The following RGS3 variants were observed in gnomAD, a reference collection of about 807,000 sequenced individuals.
The protein encoded by RGS3 is regulator of G-protein signalling 3.
Under a neutral mutation model 132.6 loss-of-function variants are expected in RGS3, and 80 were observed. The observed-to-expected ratio is 0.60, with a 90% CI of 0.50 to 0.73. RGS3 has a LOEUF of 0.73. RGS3 is among the 30% of genes least tolerant of loss of function. RGS3 has a pLI of 0.00. For synonymous variants in RGS3, 598 were observed against 620.6 expected (o/e 0.96, Z 0.54); for missense variants, 1,382 against 1,530.8 (o/e 0.90, Z 1.62).
At chr9:113,581,111 C>CA in intron 19 of RGS3, 4 of 476,154 alleles carry the variant, frequency 8.4e-6, no homozygotes, top group Non-Finnish European at 8.2e-6. Flanking sequence ...TTTGTTTCTC[C>CA]TGATGGAGAA....
chr9:113,478,232 C>G (rs967798732), intron 3 of RGS3, among the ~76,000 whole-genome samples: 1 of 152,092 alleles, frequency 6.6e-6, no homozygotes, highest in Non-Finnish European at 1.5e-5. Context: ...CCCTTCCTCC[C>G]TGCTCTTTCT....
intron 4 of RGS3, among the ~76,000 whole-genome samples, chr9:113,482,439 C>G (rs2119221149): frequency 6.6e-6 from 1 of 152,312 alleles, no homozygotes; most frequent in East Asian, 1.9e-4. Context: ...AGCGGTGCAG[C>G]TGGGATTCAT....
Position 113,527,103 on chromosome 9 carries a change from A to C in RGS3, c.1871-2118A>C, listed in dbSNP as rs1832245639. On this transcript the variant is annotated intron_variant, in intron 17 of 24. Transcript: ENST00000350696. ...TGTGACGTGGAACAGATTTCAGAGAAAGTTTGCAGTAATGCAGGGAGGTTG... is the reference window on the plus strand; with the variant it reads ...TGTGACGTGGAACAGATTTCAGAGACAGTTTGCAGTAATGCAGGGAGGTTG... 2.0e-5 allele frequency among the ~76,000 whole-genome samples: 3 copies of C among 152,356 alleles called. No homozygotes were observed. The South Asian group carries it at 6.2e-4, about 32-fold the overall frequency.
intron 17 of RGS3, among the ~76,000 whole-genome samples, chr9:113,526,207 G>T (rs1292999594): frequency 6.6e-6 from 1 of 152,222 alleles, no homozygotes; most frequent in Non-Finnish European, 1.5e-5. Context: ...TGATTATTAG[G>T]CTCTCCAGTC....
intron 19 of RGS3, among the ~76,000 whole-genome samples, chr9:113,547,626 A>G (rs565177654): frequency 2.0e-5 from 3 of 152,254 alleles, no homozygotes; most frequent in African/African-American, 7.2e-5. Context: ...CACCAACCTA[A>G]TATGTATGCA....
At chr9:113,460,039 CAAAAAA>C (rs879005762), upstream of RGS3, among the ~76,000 whole-genome samples, 1 of 112,142 alleles carries the variant, frequency 8.9e-6, no homozygotes, top group African/African-American at 3.4e-5. Flanking sequence ...GAAACTCTCT[CAAAAAA>C]AAAAAAAAAA....
At chr9:113,520,300 C>G (rs371714066) in intron 16 of RGS3, among the ~76,000 whole-genome samples, 1 of 152,236 alleles carries the variant, frequency 6.6e-6, no homozygotes, top group Non-Finnish European at 1.5e-5. Context: ...ATGCCCTCCC[C>G]GGCACGCTTG....
chr9:113,595,744 C>G, exon 24 of RGS3: 1 of 1,614,044 alleles, frequency 6.2e-7, no homozygotes, highest in Non-Finnish European at 8.5e-7. Flanking sequence ...CTGAATACAT[C>G]GCGATCCAGG....
chr9:113,513,028 C>G (rs1309175444), intron 14 of RGS3, among the ~76,000 whole-genome samples: 1 of 151,988 alleles, frequency 6.6e-6, no homozygotes, highest in African/African-American at 2.4e-5. Context: ...GAAACTGTGT[C>G]TCTACTAAAA....
At chr9:113,559,064 C>G (rs375800752) in intron 19 of RGS3, among the ~76,000 whole-genome samples, 74 of 152,328 alleles carry the variant, frequency 4.9e-4, no homozygotes, top group African/African-American at 1.7e-3. Flanking sequence ...CCCCACTGAC[C>G]CTTTGTTTTG....
chr9:113,581,312 A>G (rs991450957), intron 19 of RGS3: 1 of 152,202 alleles, frequency 6.6e-6, no homozygotes, highest in Non-Finnish European at 1.5e-5. Context: ...CTTCCTGTCT[A>G]CCCAATGGAG....
At chr9:113,571,069 G>C (rs994671674) in intron 19 of RGS3, among the ~76,000 whole-genome samples, 1 of 152,180 alleles carries the variant, frequency 6.6e-6, no homozygotes, top group African/African-American at 2.4e-5. Context: ...CAATAATATT[G>C]TATCAAGCTT....
chr9:113,447,329 G>GTATATATGTGTATATATATATA lies in RGS3; in HGVS notation c.-13+2409_-13+2410insGTGTATATATATATATATATAT, dbSNP rs1305095004. 1.8e-4 allele frequency among the ~76,000 whole-genome samples: 5 copies of GTATATATGTGTATATATATATA among 27,536 alleles called. 1 individual carries two copies. Among genetic ancestry groups the GTATATATGTGTATATATATATA allele is most frequent in the African/African-American group, 3.9e-4 (4 of 10,180 alleles). 18.1% of individuals were successfully genotyped at this position (27,536 alleles called of 152,430 possible). ...CCAATAAATTCTGATGTATGTATAT[G>GTATATATGTGTATATATATATA]TATATATATATATATATATATATAT... is the stretch of plus-strand genomic sequence containing the variant. On this transcript the variant is annotated intron_variant, in intron 1 of 25. Transcript: ENST00000374140.
intron 19 of RGS3, chr9:113,570,187 A>T (rs898678758): frequency 6.6e-6 from 1 of 152,166 alleles, no homozygotes; most frequent in African/African-American, 2.4e-5. Flanking sequence ...GCACTTAGAC[A>T]TGTTTCATGT....
In RGS3 at chr9:113,447,323, G is replaced by GTGTATATATATATATATATATATA. The variant is rs1829126189; in HGVS notation, c.-13+2397_-13+2398insGTATATATATATATATATATATAT. On this transcript the variant is annotated intron_variant, in intron 1 of 25. Transcript: ENST00000374140. ...TGTAAACCAATAAATTCTGATGTAT[G>GTGTATATATATATATATATATATA]TATATGTATATATATATATATATAT... 1.3e-3 allele frequency among the ~76,000 whole-genome samples: 38 copies of GTGTATATATATATATATATATATA among 29,404 alleles called. 2 individuals carry two copies. Among genetic ancestry groups the GTGTATATATATATATATATATATA allele is most frequent in the South Asian group, 3.3e-3 (1 of 302 alleles). 19.3% of individuals were successfully genotyped at this position (29,404 alleles called of 152,430 possible).
chr9:113,550,172 A>G (rs911543003), intron 19 of RGS3, among the ~76,000 whole-genome samples: 8 of 152,174 alleles, frequency 5.3e-5, no homozygotes, highest in Non-Finnish European at 1.2e-4. Flanking sequence ...AGACCAGTCT[A>G]GCCAACATGG....
intron 19 of RGS3, among the ~76,000 whole-genome samples, chr9:113,543,574 A>G (rs1001048540): frequency 6.6e-6 from 1 of 152,230 alleles, no homozygotes; most frequent in African/African-American, 2.4e-5. Context: ...AGCAAGCTGC[A>G]CTTTGATTTC....
intron 1 of RGS3, chr9:113,461,680 T>C (rs1564445570): frequency 4.4e-6 from 7 of 1,605,012 alleles, no homozygotes; most frequent in Non-Finnish European, 5.1e-6. Context: ...AAGTGCCCAG[T>C]GTGGGCCTCG....
intron 7 of RGS3, among the ~76,000 whole-genome samples, chr9:113,486,471 A>C (rs1345391004): frequency 2.6e-5 from 4 of 152,218 alleles, no homozygotes; most frequent in African/African-American, 7.2e-5. Flanking sequence ...AGGAGGGCTG[A>C]AGTGGCCATT....
Sources: allele counts gnomAD v4.1 joint callset (sites outside exome capture counted in the v4.1 genomes callset), GRCh38; gene constraint gnomAD v4.1.1; transcripts MANE v1.5; gene names NCBI Gene and HGNC (gene_info 2026-07-23, HGNC 2026-07-21).